ADGRL3: variants seen among roughly 807,000 people sequenced by gnomAD.
ADGRL3 encodes adhesion G protein-coupled receptor L3.
ADGRL3 carries 62 observed loss-of-function variants against 153.5 expected under a neutral mutation model. The ratio of observed to expected loss-of-function variants is 0.40; its 90% CI spans 0.33 to 0.50. The LOEUF (loss-of-function observed/expected upper bound fraction) is 0.50. Ranked by LOEUF, ADGRL3 falls within the 20% of genes least tolerant of loss-of-function variation. The probability of loss-of-function intolerance (pLI) is 0.47; values close to 1 mark genes in which losing one functional copy is unlikely to be tolerated. For missense variants in ADGRL3, 1,641 were observed against 1,859.4 expected, an observed-to-expected ratio of 0.88 and a Z score of 2.16; for synonymous variants, 710 against 672.5, an observed-to-expected ratio of 1.06 and a Z score of -0.86.
chr4:61,765,606 A>C (rs1053459740), intron 8 of ADGRL3, among the ~76,000 whole-genome samples: 1 of 152,034 alleles, frequency 6.6e-6, no homozygotes. Context: ...GACTGTATTG[A>C]GGTGGGAAGG....
At chr4:61,756,526 C>T (rs1032750166) in intron 8 of ADGRL3, among the ~76,000 whole-genome samples, 24 of 152,148 alleles carry the variant, frequency 1.6e-4, no homozygotes, top group African/African-American at 4.1e-4. Flanking sequence ...TGGGCTGAGA[C>T]GATGGGGTTT....
chr4:61,315,175 A>C (rs529707404), intron 1 of ADGRL3, among the ~76,000 whole-genome samples: 1 of 152,106 alleles, frequency 6.6e-6, no homozygotes, highest in East Asian at 1.9e-4. Flanking sequence ...CAAAATGAAC[A>C]CTCCCTATGG....
chr4:61,491,793 A>T (rs2152783558), intron 2 of ADGRL3, among the ~76,000 whole-genome samples: 1 of 152,316 alleles, frequency 6.6e-6, no homozygotes, highest in South Asian at 2.1e-4. Context: ...ATACCTTGAT[A>T]CAATTTTATG....
At chr4:61,445,484 A>C (rs2097572124) in intron 2 of ADGRL3, among the ~76,000 whole-genome samples, 1 of 152,206 alleles carries the variant, frequency 6.6e-6, no homozygotes, top group Non-Finnish European at 1.5e-5. Flanking sequence ...GCAAAGAAAA[A>C]GATGTAATAG....
chr4:61,671,548 C>A (rs931007221), intron 5 of ADGRL3, among the ~76,000 whole-genome samples: 2 of 152,084 alleles, frequency 1.3e-5, no homozygotes, highest in Admixed American at 6.6e-5. Flanking sequence ...TTTTTGATTG[C>A]AGAAAAGTCT....
chr4:61,225,590 G>A (rs1476384866), intron 1 of ADGRL3, among the ~76,000 whole-genome samples: 1 of 152,122 alleles, frequency 6.6e-6, no homozygotes, highest in African/African-American at 2.4e-5. Flanking sequence ...TAGTCAAGAT[G>A]TATCTGTGTC....
chr4:61,674,871 A>G (rs2095133759), intron 5 of ADGRL3, among the ~76,000 whole-genome samples: 2 of 151,992 alleles, frequency 1.3e-5, no homozygotes, highest in South Asian at 2.1e-4. Context: ...TGAGTACACC[A>G]AAACATCGAG....
intron 4 of ADGRL3, among the ~76,000 whole-genome samples, chr4:61,556,205 T>G (rs1391552319): frequency 6.6e-6 from 1 of 151,832 alleles, no homozygotes; most frequent in African/African-American, 2.4e-5. Flanking sequence ...AAAAACAAGG[T>G]GGGGAAGAAA....
At chr4:61,782,005 A>T (rs1047635648) in intron 8 of ADGRL3, among the ~76,000 whole-genome samples, 1 of 152,208 alleles carries the variant, frequency 6.6e-6, no homozygotes, top group Non-Finnish European at 1.5e-5. Context: ...AAGACCTTAA[A>T]TGAATTACAG....
intron 2 of ADGRL3, among the ~76,000 whole-genome samples, chr4:61,482,962 ACTAT>A (rs2098147267): frequency 6.6e-6 from 1 of 152,206 alleles, no homozygotes; most frequent in African/African-American, 2.4e-5. Flanking sequence ...CTTGTATAAT[ACTAT>A]CTGACTCAAA....
intron 21 of ADGRL3, among the ~76,000 whole-genome samples, chr4:62,005,671 C>A (rs1302633271): frequency 1.3e-5 from 2 of 151,928 alleles, no homozygotes; most frequent in African/African-American, 4.8e-5. Flanking sequence ...GCTTAAAAAT[C>A]TGAATTAATT....
chr4:61,360,314 G>C (rs2096263717), intron 1 of ADGRL3, among the ~76,000 whole-genome samples: 1 of 152,074 alleles, frequency 6.6e-6, no homozygotes, highest in South Asian at 2.1e-4. Context: ...AACTAAAAGT[G>C]ACCAAAATCA....
At chr4:61,796,645 A>G (rs1204053971) in intron 8 of ADGRL3, among the ~76,000 whole-genome samples, 1 of 152,152 alleles carries the variant, frequency 6.6e-6, no homozygotes, top group Non-Finnish European at 1.5e-5. Flanking sequence ...ATGACTTTGA[A>G]AATGGCTTTA....
chr4:61,961,401 G>A (rs1252018584), intron 17 of ADGRL3, among the ~76,000 whole-genome samples: 1 of 152,152 alleles, frequency 6.6e-6, no homozygotes, highest in East Asian at 1.9e-4. Context: ...TATAATGGGA[G>A]AATTGTCTTC....
intron 5 of ADGRL3, among the ~76,000 whole-genome samples, chr4:61,663,561 A>T (rs1197747703): frequency 6.6e-6 from 1 of 152,128 alleles, no homozygotes; most frequent in South Asian, 2.1e-4. Flanking sequence ...CAGGTGTGGG[A>T]TCTAGGCCAG....
chr4:61,909,339 CT>C (rs1192587598), intron 11 of ADGRL3, among the ~76,000 whole-genome samples: 1 of 152,080 alleles, frequency 6.6e-6, no homozygotes, highest in Non-Finnish European at 1.5e-5. Context: ...AGTAAGTTTC[CT>C]CAGGAGGAGC....
rs76393414 is a variant in ADGRL3 at position 61,296,866 on chromosome 4, C to T, written c.-239-86258C>T. ...CAAATATGTGATTAATATTTCCATT[C>T]TTTGACTCACTTAATTTTACGTTAA... On this transcript the variant is annotated intron_variant, in intron 1 of 26. Coordinates refer to ENST00000683033, the MANE Select transcript of ADGRL3 (RefSeq NM_001387552.1). Among the ~76,000 whole-genome samples the T allele has an allele frequency of 4.4e-3, 663 of 152,172 alleles. 6 individuals carry two copies. The highest frequency in any genetic ancestry group is 0.014 in the South Asian group (66 of 4,814).
intron 2 of ADGRL3, among the ~76,000 whole-genome samples, chr4:61,442,282 A>T (rs335276): frequency 0.93 from 141,838 of 152,250 alleles, 66,910 homozygotes; most frequent in East Asian, 1. Context: ...AAAGGAGATA[A>T]TGTTAACTTT....
At chr4:61,429,279 A>AT (rs1447257324) in intron 2 of ADGRL3, among the ~76,000 whole-genome samples, 2 of 152,194 alleles carry the variant, frequency 1.3e-5, no homozygotes, top group Non-Finnish European at 2.9e-5. Flanking sequence ...TCATATCTGA[A>AT]TCTAAAAGAA....
Sources: gnomAD v4.1 joint callset for allele counts (sites outside exome capture counted in the v4.1 genomes callset) on GRCh38, gnomAD v4.1.1 for gene constraint, MANE v1.5 for transcripts, NCBI Gene and HGNC (gene_info 2026-07-23, HGNC 2026-07-21) for gene names.